Variants in RTN1 observed in about 807,000 individuals in gnomAD.
RTN1 encodes reticulon-1.
Under a neutral mutation model 65.5 loss-of-function variants are expected in RTN1, and 25 were observed. The observed-to-expected ratio is 0.38, with a 90% CI of 0.28 to 0.53. The LOEUF (loss-of-function observed/expected upper bound fraction) is 0.53, where lower values mean the gene tolerates loss of function less well. Among genes scored for constraint, RTN1 ranks in the 20% least tolerant of loss-of-function variants. RTN1 has a pLI of 0.79. For synonymous variants in RTN1, 471 were observed against 447.6 expected, an observed-to-expected ratio of 1.05 and a Z score of -0.66; for missense variants, 983 against 1,025.4, an observed-to-expected ratio of 0.96 and a Z score of 0.57.
chr14:59,705,703 T>C (rs1884277098), intron 3 of RTN1, among the ~76,000 whole-genome samples: 1 of 152,228 alleles, frequency 6.6e-6, no homozygotes, highest in African/African-American at 2.4e-5. Context: ...CAAGGCTGGG[T>C]TAAGCATTGC....
rs185424831 is a variant in RTN1 at position 59,671,855 on chromosome 14, C to T, written c.1765+55064G>A. Among the ~76,000 whole-genome samples the T allele has an allele frequency of 4.6e-5, 7 of 152,282 alleles. No homozygotes were observed. In the East Asian group the frequency reaches 1.2e-3, roughly 25 times the overall value. On this transcript the variant is annotated intron_variant, in intron 3 of 8. Transcript: ENST00000267484. ...GGGCTCAGAAATCAATGCAGAGAGA[C>T]GATATTGTACGTTTAATCTTTTGTC...
chr14:59,644,021 G>A (rs1440308423), intron 3 of RTN1, among the ~76,000 whole-genome samples: 1 of 152,150 alleles, frequency 6.6e-6, no homozygotes, highest in Non-Finnish European at 1.5e-5. Flanking sequence ...GTGAAAAATA[G>A]GATGATAATG....
At chr14:59,605,756 G>A (rs1881723316) in intron 4 of RTN1, 1 of 348,238 alleles carries the variant, frequency 2.9e-6, no homozygotes, top group Admixed American at 4.7e-5. Flanking sequence ...GACACAGCAT[G>A]GGTGGGCTGA....
chr14:59,628,001 C>A (rs942518975), intron 3 of RTN1, among the ~76,000 whole-genome samples: 1 of 151,092 alleles, frequency 6.6e-6, no homozygotes, highest in Non-Finnish European at 1.5e-5. Flanking sequence ...AATTGGTATC[C>A]TGGACCTCTG....
At chr14:59,812,548 C>A (rs950400095) in intron 1 of RTN1, among the ~76,000 whole-genome samples, 1 of 152,122 alleles carries the variant, frequency 6.6e-6, no homozygotes, top group Non-Finnish European at 1.5e-5. Flanking sequence ...ATAACACATG[C>A]AAATATAACA....
At chr14:59,724,048 G>A (rs112916707) in intron 3 of RTN1, among the ~76,000 whole-genome samples, 18 of 152,258 alleles carry the variant, frequency 1.2e-4, no homozygotes, top group South Asian at 1.0e-3. Flanking sequence ...TAACAGTTAC[G>A]GCTAATCTTG....
At chr14:59,607,160 G>A in intron 4 of RTN1, 125 bp downstream of exon 4, 1 of 735,216 alleles carries the variant, frequency 1.4e-6, no homozygotes, top group Non-Finnish European at 2.3e-6. Flanking sequence ...AGGGTGTTAG[G>A]GGAGACTCTA....
At chr14:59,824,547 T>C (rs1250600687) in intron 1 of RTN1, among the ~76,000 whole-genome samples, 1 of 152,196 alleles carries the variant, frequency 6.6e-6, no homozygotes, top group Non-Finnish European at 1.5e-5. Flanking sequence ...CTGCAAATGT[T>C]TGTATTCATG....
chr14:59,745,054 T>G (rs545081834), intron 2 of RTN1, among the ~76,000 whole-genome samples: 1 of 152,282 alleles, frequency 6.6e-6, no homozygotes, highest in African/African-American at 2.4e-5. Flanking sequence ...GTTAACGGAT[T>G]AATGGATTAT....
At chr14:59,703,874 A>T (rs757568790) in intron 3 of RTN1, among the ~76,000 whole-genome samples, 24 of 152,224 alleles carry the variant, frequency 1.6e-4, no homozygotes, top group Non-Finnish European at 2.9e-4. Flanking sequence ...CACACTGCTC[A>T]GTCAGATATT....
At position 59,749,302 on chromosome 14, in the gene RTN1, ATATATCTATATATATATC is replaced by A. The variant is rs1157213284; in HGVS notation, c.242-2839_242-2822del. 4.9e-3 allele frequency among the ~76,000 whole-genome samples: 326 copies of A among 66,814 alleles called. 46 individuals carry two copies. The highest frequency in any genetic ancestry group is 0.031 in the African/African-American group (303 of 9,738). 43.8% of individuals were successfully genotyped at this position (66,814 alleles called of 152,430 possible). A position where few individuals can be genotyped will look rare whatever the true frequency, so the allele number is the denominator to read the frequency against. ...TCTATATATATCTATATATATCTATATATATCTATATATATATCTATATATCTATATATATCTATATAT... is the reference window on the plus strand; with the variant it reads ...TCTATATATATCTATATATATCTATATATATATCTATATATATCTATATAT... On this transcript the variant is annotated intron_variant, in intron 1 of 8. Coordinates refer to ENST00000267484, the MANE Select transcript of RTN1 (RefSeq NM_021136.3).
At chr14:59,752,019 A>T (rs1885532836) in intron 1 of RTN1, among the ~76,000 whole-genome samples, 2 of 152,030 alleles carry the variant, frequency 1.3e-5, no homozygotes, top group African/African-American at 4.8e-5. Context: ...CTCCAATTCA[A>T]ATTCTAAGCT....
intron 1 of RTN1, among the ~76,000 whole-genome samples, chr14:59,830,470 T>C (rs1207162075): frequency 6.6e-6 from 1 of 152,128 alleles, no homozygotes; most frequent in Non-Finnish European, 1.5e-5. Flanking sequence ...AGCCCAAAAG[T>C]AAGGTGACTA....
intron 3 of RTN1, among the ~76,000 whole-genome samples, chr14:59,723,356 C>T (rs1566698814): frequency 1.3e-5 from 2 of 151,938 alleles, no homozygotes; most frequent in Admixed American, 6.6e-5. Flanking sequence ...CCTGTAATCC[C>T]AGCACTTTGG....
chr14:59,807,924 C>T (rs990127752), intron 1 of RTN1, among the ~76,000 whole-genome samples: 1 of 152,066 alleles, frequency 6.6e-6, no homozygotes, highest in Non-Finnish European at 1.5e-5. Flanking sequence ...CTCTAAAGTA[C>T]AAAATATACA....
intron 1 of RTN1, among the ~76,000 whole-genome samples, chr14:59,834,561 C>T (rs1887181775): frequency 6.6e-6 from 1 of 151,812 alleles, no homozygotes; most frequent in Non-Finnish European, 1.5e-5. Flanking sequence ...TGAACAGATA[C>T]CTAATGAAAG....
chr14:59,814,545 C>G lies in RTN1; in HGVS notation c.241+55845G>C, dbSNP rs137887028. Reference sequence around the variant, plus strand: ...AAGGAAAAGCTAAATGACATTCTTCCAAGTTCCATCACTCTCACATTTTTT... The same window carrying G: ...AAGGAAAAGCTAAATGACATTCTTCGAAGTTCCATCACTCTCACATTTTTT... On this transcript the variant is annotated intron_variant, in intron 1 of 8. Transcript: ENST00000267484. 4.6e-5 allele frequency among the ~76,000 whole-genome samples: 7 copies of G among 152,318 alleles called. No individual in the cohort carries two copies. In the East Asian group the frequency reaches 1.3e-3, roughly 29 times the overall value.
rs937158598 is a variant in RTN1, at chr14:59,603,371, CATTTT to C, written c.2183-118_2183-114del. ...TTATAGCATTATTTGGAATATACAG[CATTTT>C]ATTTTATTTTTTATTCCCTATTTTG... On this transcript the variant is annotated intron_variant, in intron 6 of 8. Coordinates refer to ENST00000267484, the MANE Select transcript of RTN1 (RefSeq NM_021136.3). 4 of 762,220 alleles carry C rather than the reference CATTTT, an allele frequency of 5.2e-6. No homozygotes were observed. In the African/African-American group the frequency reaches 5.5e-5, roughly 10 times the overall value. 47.2% of individuals were successfully genotyped at this position (762,220 alleles called of 1,614,324 possible).
chr14:59,619,142 A>G (rs1882188336), intron 3 of RTN1, among the ~76,000 whole-genome samples: 1 of 152,230 alleles, frequency 6.6e-6, no homozygotes, highest in Non-Finnish European at 1.5e-5. Context: ...GGATTAGTTG[A>G]CAAGAATGGT....
Sources: gnomAD v4.1 joint callset for allele counts (sites outside exome capture counted in the v4.1 genomes callset) on GRCh38, gnomAD v4.1.1 for gene constraint, MANE v1.5 for transcripts, NCBI Gene and HGNC (gene_info 2026-07-23, HGNC 2026-07-21) for gene names.